The following SIGLEC12 variants were observed in gnomAD, a reference collection of about 807,000 sequenced individuals.
SIGLEC12 encodes sialic acid binding Ig like lectin 12.
In SIGLEC12, 43 loss-of-function variants were observed where a neutral mutation model predicts 54.1. That is an observed-to-expected ratio of 0.80 (90% CI 0.62 to 1.03). The LOEUF (loss-of-function observed/expected upper bound fraction) is 1.03, where lower values mean the gene tolerates loss of function less well. SIGLEC12 is among the 50% of genes least tolerant of loss of function. The pLI, the probability that SIGLEC12 is intolerant of heterozygous loss-of-function variation, is 0.00. For synonymous variants in SIGLEC12, 357 were observed against 307.6 expected (o/e 1.16, Z -1.68); for missense variants, 802 against 735.2 (o/e 1.09, Z -1.05).
Position 51,500,134 on chromosome 19 carries a change from T to A in SIGLEC12, c.594A>T (p.Pro198=). The part of the protein sequence containing the change: ...GSWFKEGADI[P]WDIPVATNTP... The stretch of plus-strand genomic sequence containing the variant: ...TGTTTGTGGCCACTGGAATATCCCA[T>A]GGTATATCGGCCCCTTCCTTGAACC... Residue 198 remains proline (P), a synonymous_variant, in exon 2 of 8, where the codon CCA becomes CCT. Transcript: ENST00000291707. 2 of 1,614,080 alleles carry A rather than the reference T, an allele frequency of 1.2e-6. No homozygotes were observed. Among genetic ancestry groups the A allele is most frequent in the South Asian group, 2.2e-5 (2 of 91,078 alleles).
intron 5 of SIGLEC12, 108 bp from the exon 6 acceptor site, chr19:51,497,553 G>C: frequency 5.4e-6 from 4 of 737,212 alleles, no homozygotes; most frequent in Non-Finnish European, 9.1e-6. Context: ...CCCGCTTCCC[G>C]GACAGAAAGA....
intron 7 of SIGLEC12, among the ~76,000 whole-genome samples, chr19:51,493,981 C>A (rs928092699): frequency 6.6e-6 from 1 of 152,242 alleles, no homozygotes; most frequent in Non-Finnish European, 1.5e-5. Flanking sequence ...TCTCCAAAGT[C>A]ATTTCCTGTT....
chr19:51,491,946 T>A (rs1990115154), intron 7 of SIGLEC12, 117 bp from the exon 8 acceptor site: 1 of 720,226 alleles, frequency 1.4e-6, no homozygotes, highest in Non-Finnish European at 2.2e-6. Context: ...TGCACTTTGC[T>A]GAAATCTCTT....
In SIGLEC12 at chr19:51,491,832, G is replaced by C; in HGVS notation, c.1600-3C>G. ...GCCGGGGATTCAATCAGGGGTCCCT[G>C]AATGGAGGAAGAGAAGGGAGTCAGT... On this transcript the variant is annotated splice_polypyrimidine_tract_variant and splice_region_variant and intron_variant, in intron 7 of 7. Transcript: ENST00000291707. 1 of 1,549,878 alleles carries C rather than the reference G, an allele frequency of 6.5e-7. No homozygotes were observed. Among genetic ancestry groups the C allele is most frequent in the Non-Finnish European group, 8.7e-7 (1 of 1,151,638 alleles).
chr19:51,495,284 GAT>G (rs1990204129), intron 7 of SIGLEC12, among the ~76,000 whole-genome samples: 1 of 133,050 alleles, frequency 7.5e-6, no homozygotes, highest in Non-Finnish European at 1.6e-5. Flanking sequence ...TGGATGGATG[GAT>G]GGATGGATGG....
chr19:51,499,271 C>T lies in SIGLEC12; in HGVS notation c.1088-54G>A, dbSNP rs555586981. The T allele has an allele frequency of 2.7e-5, 43 of 1,599,050 alleles. No individual in the cohort carries two copies. In the South Asian group the frequency reaches 4.2e-4, roughly 16 times the overall value. ...CACTTTGAGGACTGGGGACACTGACCCTGTCTCCCCAGGAGCCCCATAAAT... is the reference window on the plus strand; with the variant it reads ...CACTTTGAGGACTGGGGACACTGACTCTGTCTCCCCAGGAGCCCCATAAAT... On this transcript the variant is annotated intron_variant, in intron 3 of 7. Coordinates refer to ENST00000291707, the MANE Select transcript of SIGLEC12 (RefSeq NM_053003.4).
intron 7 of SIGLEC12, among the ~76,000 whole-genome samples, chr19:51,495,401 GTGGGTGGGTGGGTGGA>G (rs1990215518): frequency 1.4e-5 from 1 of 71,158 alleles, no homozygotes; most frequent in Non-Finnish European, 2.7e-5. Flanking sequence ...GGATGGATGG[GTGGGTGGGTGGGTGGA>G]TGGATGGATG....
intron 7 of SIGLEC12, among the ~76,000 whole-genome samples, chr19:51,495,676 T>C (rs62116173): frequency 0.25 from 38,456 of 152,130 alleles, 4,991 homozygotes; most frequent in Middle Eastern, 0.29. Flanking sequence ...TATCCCTCTG[T>C]ATAGAATTAA....
rs755724495 is a variant in SIGLEC12, at chr19:51,499,453, G to A, written c.1072C>T (p.Arg358Ter). ...CAGAACTCACAGGATATGTTGAGTC[G>A]GACAGCCCTGGTCATGGTCACGCCG... ...GAGVTMTRAV[R>*]LNISYPPQNL... is the part of the protein sequence containing the mutation. Residue 358 changes from arginine (R) to a stop codon, truncating the protein, a stop_gained, in exon 3 of 8, where the codon CGA becomes TGA. Coordinates refer to ENST00000291707, the MANE Select transcript of SIGLEC12 (RefSeq NM_053003.4). LOFTEE classifies it high-confidence loss of function. The A allele has an allele frequency of 1.4e-5, 23 of 1,587,076 alleles. No homozygotes were observed. The highest frequency in any genetic ancestry group is 5.6e-5 in the Admixed American group (3 of 53,654).
At position 51,498,024 on chromosome 19, in the gene SIGLEC12, A is replaced by T; in HGVS notation, c.1399T>A (p.Tyr467Asn). ...CAGACCCTCCCCTACCCACCTGTGTACTCGTTTTGCAGGGAGAGGCTCAGG... is the reference window on the plus strand; with the variant it reads ...CAGACCCTCCCCTACCCACCTGTGTTCTCGTTTTGCAGGGAGAGGCTCAGG... ...ISLSLSLQNE[Y>N]TGKMRPISGV... The change falls in exon 5 of 8, where the codon TAC becomes AAC. Residue 467 changes from tyrosine (Y) to asparagine (N), a missense_variant. Tyr to Asn is a moderately radical substitution (Grantham distance 143, BLOSUM62 -2). Transcript: ENST00000291707. The T allele has an allele frequency of 2.5e-6, 4 of 1,614,062 alleles. No homozygotes were observed. Among genetic ancestry groups the T allele is most frequent in the Non-Finnish European group, 3.4e-6 (4 of 1,180,006 alleles).
At position 51,499,505 on chromosome 19, in the gene SIGLEC12, G is replaced by A. The variant is rs144920279; in HGVS notation, c.1020C>T (p.Leu340=). 1.2e-4 allele frequency: 188 copies of A among 1,609,282 alleles called. No homozygotes were observed. In the African/African-American group the frequency reaches 2.2e-3, roughly 19 times the overall value. ...IPQPQDHGTS[L]TCQVTLPGAG... The stretch of plus-strand genomic sequence containing the variant: ...CCCCAGGCAAGGTCACCTGACAGGT[G>A]AGGCTGGTGCCATGGTCCTGGGGCT... Residue 340 remains leucine (L), a synonymous_variant, in exon 3 of 8, where the codon CTC becomes CTT. Coordinates refer to ENST00000291707, the MANE Select transcript of SIGLEC12 (RefSeq NM_053003.4).
rs1312865064 is a variant in SIGLEC12 at position 51,501,535 on chromosome 19, C to T, written c.199G>A (p.Gly67Arg). 1.3e-6 allele frequency: 2 copies of T among 1,548,176 alleles called. No individual in the cohort carries two copies. The highest frequency in any genetic ancestry group is 1.7e-6 in the Non-Finnish European group (2 of 1,148,606). The change falls in exon 1 of 8, where the codon GGG (glycine) becomes AGG (arginine). Residue 67 changes from glycine (G) to arginine (R), a missense_variant. Physicochemically the swap from Gly to Arg is moderately radical, Grantham distance 125 (BLOSUM62 -2). Transcript: ENST00000291707. ...DPVHGYWFRA[G>R]DHVSRNIPVA... The stretch of plus-strand genomic sequence containing the variant: ...GGAATGTTCCGGCTTACATGGTCCC[C>T]TGCCCGGAACCAGTAGCCATGAACT...
rs781566450 is a variant in SIGLEC12 at position 51,499,568 on chromosome 19, G to T, written c.957C>A (p.Pro319=). ...WMGASVSSLD[P]TITRSSMLSL... ...TGAGCATCGAGGAGCGAGTGATAGT[G>T]GGGTCCAGGGAGGACACGGAGGCCC... Residue 319 remains proline (P), a synonymous_variant, in exon 3 of 8, where the codon CCC becomes CCA. Coordinates refer to ENST00000291707, the MANE Select transcript of SIGLEC12 (RefSeq NM_053003.4). 1 of 1,611,768 alleles carries T rather than the reference G, an allele frequency of 6.2e-7. No homozygotes were observed. The highest frequency in any genetic ancestry group is 2.2e-5 in the East Asian group (1 of 44,872).
intron 4 of SIGLEC12, among the ~76,000 whole-genome samples, 190 bp downstream of exon 4, chr19:51,498,980 G>A (rs533720315): frequency 6.6e-6 from 1 of 152,126 alleles, no homozygotes; most frequent in African/African-American, 2.4e-5. Flanking sequence ...AAATAGGTGT[G>A]TGTGTGGAGG....
At position 51,497,351 on chromosome 19, in the gene SIGLEC12, A is replaced by T. The variant is rs1379783865; in HGVS notation, c.1500T>A (p.Val500=). ...LVFLYFCIIF[V]VVRSCRKKSA... is the part of the protein sequence containing the mutation. ...TCCTCCCCAGGGTCAATGCTCACAC[A>T]ACGAAGATGATGCAGAAGTACAGGA... Residue 500 remains valine, a splice_region_variant and synonymous_variant, in exon 6 of 8, where the codon GTT becomes GTA. Coordinates refer to ENST00000291707, the MANE Select transcript of SIGLEC12 (RefSeq NM_053003.4). 2.5e-6 allele frequency: 4 copies of T among 1,612,728 alleles called. No homozygotes were observed. Among genetic ancestry groups the T allele is most frequent in the Non-Finnish European group, 3.4e-6 (4 of 1,178,952 alleles).
At chr19:51,497,940 G>A in intron 5 of SIGLEC12, 78 bp downstream of exon 5, 1 of 1,572,476 alleles carries the variant, frequency 6.4e-7, no homozygotes, top group South Asian at 1.2e-5. Flanking sequence ...GTGGGTTGCA[G>A]GGAAATTCCA....
In SIGLEC12 at chr19:51,497,225, T is replaced by A. The variant is rs1990265779; in HGVS notation, c.1502+124A>T. On this transcript the variant is annotated intron_variant, in intron 6 of 7. Transcript: ENST00000291707. ...TCATGAAATTCTTACCATGCACCCATGACCTCATTCTGGCCCTTGCTTCAA... is the reference window on the plus strand; with the variant it reads ...TCATGAAATTCTTACCATGCACCCAAGACCTCATTCTGGCCCTTGCTTCAA... The A allele has an allele frequency of 6.3e-6, 6 of 956,294 alleles. No individual in the cohort carries two copies. The East Asian group carries it at 1.2e-4, about 19-fold the overall frequency. The allele number at this position is 956,294 out of a possible 1,614,324, so 59.2% of individuals were successfully genotyped here. A position where few individuals can be genotyped will look rare whatever the true frequency, so the allele number is the denominator to read the frequency against.
intron 6 of SIGLEC12, 41 bp from the exon 7 acceptor site, chr19:51,497,017 C>T (rs773619748): frequency 5.0e-6 from 8 of 1,612,024 alleles, no homozygotes; most frequent in South Asian, 3.3e-5. Flanking sequence ...GTGGTCAGAT[C>T]GGGGTGCAGT....
intron 7 of SIGLEC12, among the ~76,000 whole-genome samples, chr19:51,495,145 ATGGATGGATGGACGGGTGGGTGGG>A (rs1990189840): frequency 7.4e-6 from 1 of 135,360 alleles, no homozygotes; most frequent in African/African-American, 2.7e-5. Flanking sequence ...GGATGGGTGG[ATGGATGGATGGACGGGTGGGTGGG>A]TGGATGGATG....
Sources: gnomAD v4.1 joint callset for allele counts (sites outside exome capture counted in the v4.1 genomes callset) on GRCh38, gnomAD v4.1.1 for gene constraint, MANE v1.5 for transcripts, NCBI Gene and HGNC (gene_info 2026-07-23, HGNC 2026-07-21) for gene names.